PHACTR2: variants seen among roughly 807,000 people sequenced by gnomAD.
PHACTR2 encodes chromosome 6 open reading frame 56.
In PHACTR2, 30 loss-of-function variants were observed where a neutral mutation model predicts 76.0. That is an observed-to-expected ratio of 0.39 (90% CI 0.30 to 0.54). The LOEUF (loss-of-function observed/expected upper bound fraction) is 0.54. Ranked by LOEUF, PHACTR2 falls within the 20% of genes least tolerant of loss-of-function variation. The probability of loss-of-function intolerance (pLI) is 0.61; values close to 1 mark genes in which losing one functional copy is unlikely to be tolerated. For missense variants in PHACTR2, 696 were observed against 781.1 expected (o/e 0.89, Z 1.30); for synonymous variants, 292 against 292.5 (o/e 1.00, Z 0.02).
rs2128470041 is a variant in PHACTR2, at chr6:143,750,618, A to G, written c.295+1553A>G. Among the ~76,000 whole-genome samples the G allele has an allele frequency of 6.6e-6, 1 of 152,354 alleles. No individual in the cohort carries two copies. The highest frequency in any genetic ancestry group is 2.1e-4 in the South Asian group (1 of 4,834). On this transcript the variant is annotated intron_variant, in intron 3 of 12. Coordinates refer to ENST00000440869, the MANE Select transcript of PHACTR2 (RefSeq NM_001100164.2). The surrounding 1 kb of genome is among the most constrained non-coding windows in gnomAD (Gnocchi z 4.6). ...TCCTAATTAAAATTTGTAGGTAGAA[A>G]AAGAATTTGCTCTGTCTGAAAACCA...
At position 143,646,852 on chromosome 6, in the gene PHACTR2, T is replaced by G. The variant is rs1374355750; in HGVS notation, c.13+38530T>G. 6.6e-6 allele frequency among the ~76,000 whole-genome samples: 1 copy of G among 152,232 alleles called. No individual in the cohort carries two copies. The highest frequency in any genetic ancestry group is 6.5e-5 in the Admixed American group (1 of 15,284). On this transcript the variant is annotated intron_variant, in intron 1 of 11. Coordinates refer to the PHACTR2 transcript ENST00000305766. The surrounding 1 kb of genome is among the most constrained non-coding windows in gnomAD (Gnocchi z 4.1). ...GCTTATTATGCTAGAGCTTAGTGTC[T>G]GAATAGCAGAGAACGTTTTCTCATC...
Position 143,578,592 on chromosome 6 carries a change from T to C in PHACTR2, c.217+41385T>C, listed in dbSNP as rs1339149912. 6.6e-6 allele frequency among the ~76,000 whole-genome samples: 1 copy of C among 151,960 alleles called. No individual in the cohort carries two copies. Among genetic ancestry groups the C allele is most frequent in the Admixed American group, 6.6e-5 (1 of 15,260 alleles). On this transcript the variant is annotated intron_variant, in intron 1 of 11. Coordinates refer to the PHACTR2 transcript ENST00000367584. This position sits in a 1 kb window ranked among gnomAD's most constrained non-coding sequence, Gnocchi z 4.5. The stretch of plus-strand genomic sequence containing the variant: ...AAAAGGACCTTTTAAAAAAATTTGC[T>C]GTTGACTTGGATGCTGAGGGCTACG...
chr6:143,698,095 A>C lies in PHACTR2; in HGVS notation c.47-13921A>C, dbSNP rs1777811956. On this transcript the variant is annotated intron_variant, in intron 1 of 12. Transcript: ENST00000440869. This position sits in a 1 kb window ranked among gnomAD's most constrained non-coding sequence, Gnocchi z 4.3. Reference sequence around the variant, plus strand: ...TAGAACATGTTCAATGTTTCTTCAGACCAGTATTGAAAATCTAAATAAAAA... The same window carrying C: ...TAGAACATGTTCAATGTTTCTTCAGCCCAGTATTGAAAATCTAAATAAAAA... Among the ~76,000 whole-genome samples, 1 of 152,144 alleles carries C rather than the reference A, an allele frequency of 6.6e-6. No individual in the cohort carries two copies. Among genetic ancestry groups the C allele is most frequent in the Non-Finnish European group, 1.5e-5 (1 of 68,022 alleles).
chr6:143,652,837 C>T lies in PHACTR2; in HGVS notation c.13+44515C>T, dbSNP rs1776788091. ...GTGTGTGTGATCTATAATAGGGTCA[C>T]AGCTTTATGAAATTCAGTCACTTTG... On this transcript the variant is annotated intron_variant, in intron 1 of 11. Coordinates refer to the PHACTR2 transcript ENST00000305766. This position sits in a 1 kb window ranked among gnomAD's most constrained non-coding sequence, Gnocchi z 4.5. 1.3e-5 allele frequency among the ~76,000 whole-genome samples: 2 copies of T among 152,200 alleles called. No individual in the cohort carries two copies. The highest frequency in any genetic ancestry group is 2.4e-5 in the African/African-American group (1 of 41,444).
intron 11 of PHACTR2, among the ~76,000 whole-genome samples, chr6:143,798,562 A>G (rs971115365): frequency 6.6e-6 from 1 of 152,158 alleles, no homozygotes; most frequent in Non-Finnish European, 1.5e-5. Context: ...TATTATTTTG[A>G]GATACGTTCC....
chr6:143,781,923 A>G (rs1020048424), intron 9 of PHACTR2, among the ~76,000 whole-genome samples: 3 of 152,328 alleles, frequency 2.0e-5, no homozygotes, highest in Non-Finnish European at 4.4e-5. Flanking sequence ...TTTCTTATGC[A>G]TTAAAGTTAT....
rs1043767281 is a variant in PHACTR2 at position 143,777,395 on chromosome 6, A to G, written c.1645+12A>G. 12 of 1,472,600 alleles carry G rather than the reference A, an allele frequency of 8.1e-6. No individual in the cohort carries two copies. In the African/African-American group the frequency reaches 1.5e-4, roughly 19 times the overall value. 91.2% of individuals were successfully genotyped at this position (1,472,600 alleles called of 1,614,324 possible). ...AAACATCCTAAAACGTGAGTATTCT[A>G]TACTATAGAATGATTCCTTGTGTAA... On this transcript the variant is annotated intron_variant, in intron 9 of 12. Coordinates refer to ENST00000440869, the MANE Select transcript of PHACTR2 (RefSeq NM_001100164.2). This position sits in a 1 kb window ranked among gnomAD's most constrained non-coding sequence, Gnocchi z 4.6.
chr6:143,754,128 T>C lies in PHACTR2; in HGVS notation c.454+216T>C. ...ATAAGCACAGTATTTGTTTTTTCAA[T>C]TATTAAAAATGTTAATTAAAAGTAA... On this transcript the variant is annotated intron_variant, in intron 4 of 12. Coordinates refer to ENST00000440869, the MANE Select transcript of PHACTR2 (RefSeq NM_001100164.2). This position sits in a 1 kb window ranked among gnomAD's most constrained non-coding sequence, Gnocchi z 6.2. 1 of 331,074 alleles carries C rather than the reference T, an allele frequency of 3.0e-6. No individual in the cohort carries two copies. The highest frequency in any genetic ancestry group is 5.4e-6 in the Non-Finnish European group (1 of 183,826). 20.5% of individuals were successfully genotyped at this position (331,074 alleles called of 1,614,324 possible). A position where few individuals can be genotyped will look rare whatever the true frequency, so the allele number is the denominator to read the frequency against.
Position 143,761,353 on chromosome 6 carries a change from G to A in PHACTR2, c.694+713G>A, listed in dbSNP as rs1779436368. Among the ~76,000 whole-genome samples, 1 of 152,196 alleles carries A rather than the reference G, an allele frequency of 6.6e-6. No individual in the cohort carries two copies. Among genetic ancestry groups the A allele is most frequent in the African/African-American group, 2.4e-5 (1 of 41,438 alleles). On this transcript the variant is annotated intron_variant, in intron 5 of 12. Coordinates refer to ENST00000440869, the MANE Select transcript of PHACTR2 (RefSeq NM_001100164.2). The surrounding 1 kb of genome is among the most constrained non-coding windows in gnomAD (Gnocchi z 5.2). The stretch of plus-strand genomic sequence containing the variant: ...TGACCTGCAATAACTCATGCAATAT[G>A]TATCCAGCTTTGCTTTACAATCAGA...
intron 1 of PHACTR2, among the ~76,000 whole-genome samples, chr6:143,626,723 G>A (rs549035750): frequency 1.8e-4 from 27 of 152,140 alleles, no homozygotes; most frequent in Non-Finnish European, 3.5e-4. Context: ...TCGGGAAAAC[G>A]TTGCTCTTAA....
chr6:143,545,961 C>T (rs1584050721), intron 1 of PHACTR2, among the ~76,000 whole-genome samples: 1 of 152,136 alleles, frequency 6.6e-6, no homozygotes, highest in East Asian at 1.9e-4. Flanking sequence ...TAGCACATTT[C>T]GGTGATCATT....
intron 1 of PHACTR2, among the ~76,000 whole-genome samples, chr6:143,665,860 A>G (rs1315788671): frequency 6.6e-6 from 1 of 152,190 alleles, no homozygotes; most frequent in Non-Finnish European, 1.5e-5. Flanking sequence ...AGTAAAAGCT[A>G]AAGTATTTTT....
Position 143,664,218 on chromosome 6 carries a change from A to G in PHACTR2, c.14-47798A>G, listed in dbSNP as rs1776994859. 1.3e-5 allele frequency among the ~76,000 whole-genome samples: 2 copies of G among 152,090 alleles called. No homozygotes were observed. The highest frequency in any genetic ancestry group is 2.1e-4 in the South Asian group (1 of 4,834). On this transcript the variant is annotated intron_variant, in intron 1 of 11. Transcript: ENST00000305766. This position sits in a 1 kb window ranked among gnomAD's most constrained non-coding sequence, Gnocchi z 5.1. ...TTTATCTATTATTAATATTGAGATT[A>G]TAAATTTTCTTTTGGTAAGAATTTT...
At chr6:143,686,504 T>TTTC (rs1777528395) in intron 1 of PHACTR2, among the ~76,000 whole-genome samples, 1 of 147,926 alleles carries the variant, frequency 6.8e-6, no homozygotes, top group East Asian at 2.0e-4. Context: ...TTTTTTTTTT[T>TTTC]TGAGACAGAG....
chr6:143,632,528 C>T (rs1776379682), intron 1 of PHACTR2, among the ~76,000 whole-genome samples: 1 of 152,062 alleles, frequency 6.6e-6, no homozygotes, highest in Admixed American at 6.5e-5. Context: ...ATGTCTCCCC[C>T]CGACTATGGA....
At chr6:143,804,473 A>C (rs1776024490) in intron 11 of PHACTR2, among the ~76,000 whole-genome samples, 1 of 152,214 alleles carries the variant, frequency 6.6e-6, no homozygotes, top group Non-Finnish European at 1.5e-5. Context: ...CCCAGAGTCA[A>C]GGCTGGAGAG....
At chr6:143,729,399 T>A (rs1211591378) in intron 2 of PHACTR2, among the ~76,000 whole-genome samples, 1 of 152,168 alleles carries the variant, frequency 6.6e-6, no homozygotes, top group Non-Finnish European at 1.5e-5. Flanking sequence ...TTTGGTCTCC[T>A]GTCATGCCTA....
chr6:143,771,491 C>T (rs1028216443), intron 6 of PHACTR2, among the ~76,000 whole-genome samples: 2 of 151,086 alleles, frequency 1.3e-5, no homozygotes, highest in African/African-American at 2.4e-5. Context: ...GGCTGGAGTG[C>T]AATGGCGCGA....
At chr6:143,734,438 T>G (rs767258691) in intron 2 of PHACTR2, among the ~76,000 whole-genome samples, 59 of 152,338 alleles carry the variant, frequency 3.9e-4, no homozygotes, top group Middle Eastern at 6.8e-3. Context: ...TAGACCTGAC[T>G]AGTATCTCAA....
Sources: gnomAD v4.1 joint callset for allele counts (sites outside exome capture counted in the v4.1 genomes callset) on GRCh38, gnomAD v4.1.1 for gene constraint, Gnocchi (gnomAD v3.1) non-coding constraint, MANE v1.5 for transcripts, NCBI Gene and HGNC (gene_info 2026-07-23, HGNC 2026-07-21) for gene names.